The following CEP128 variants were observed in gnomAD, a reference collection of about 807,000 sequenced individuals.
The protein encoded by CEP128 is centrosomal protein 128.
In CEP128, 132 loss-of-function variants were observed where a neutral mutation model predicts 156.7. That is an observed-to-expected ratio of 0.84 (90% CI 0.73 to 0.97). The LOEUF is 0.97. Among genes scored for constraint, CEP128 ranks in the 50% least tolerant of loss-of-function variants. The pLI, the probability that CEP128 is intolerant of heterozygous loss-of-function variation, is 0.00. For synonymous variants in CEP128, 469 were observed against 448.9 expected, an observed-to-expected ratio of 1.04 and a Z score of -0.57; for missense variants, 1,252 against 1,281.9, an observed-to-expected ratio of 0.98 and a Z score of 0.36.
chr14:80,824,922 C>T (rs1292503609), intron 13 of CEP128, among the ~76,000 whole-genome samples: 8 of 152,054 alleles, frequency 5.3e-5, no homozygotes, highest in Admixed American at 1.3e-4. Flanking sequence ...AAGACACACC[C>T]GAGACTGGGC....
At chr14:80,942,900 AT>A (rs1202691499), upstream of CEP128, among the ~76,000 whole-genome samples, 3 of 151,850 alleles carry the variant, frequency 2.0e-5, no homozygotes, top group Non-Finnish European at 2.9e-5. Flanking sequence ...TATTATTCAA[AT>A]TTTTTTTCTG....
At chr14:80,788,173 A>G (rs1901510923) in intron 14 of CEP128, among the ~76,000 whole-genome samples, 1 of 151,834 alleles carries the variant, frequency 6.6e-6, no homozygotes, top group African/African-American at 2.4e-5. Context: ...TGAAAATGTC[A>G]GTGTCTTTAC....
intron 13 of CEP128, among the ~76,000 whole-genome samples, chr14:80,826,124 A>G (rs2140020794): frequency 6.6e-6 from 1 of 151,690 alleles, no homozygotes; most frequent in Admixed American, 6.6e-5. Context: ...AAAAAAAAAA[A>G]AACAGCTCTG....
chr14:80,527,189 G>A (rs1889013817), intron 22 of CEP128: 1 of 553,132 alleles, frequency 1.8e-6, no homozygotes, highest in African/African-American at 1.9e-5. Context: ...AGCACTTTAG[G>A]AGGCCAAGGT....
intron 21 of CEP128, 69 bp from the exon 22 acceptor site, chr14:80,530,955 T>TA: frequency 1.0e-6 from 1 of 980,250 alleles, no homozygotes; most frequent in Non-Finnish European, 1.6e-6. Context: ...ATCCACATAC[T>TA]AAAAATCAGA....
rs144404839 is a variant in CEP128, at chr14:80,662,672, T to C, written c.2806+80403A>G. Among the ~76,000 whole-genome samples the C allele has an allele frequency of 1.2e-3, 185 of 152,308 alleles. 2 individuals carry two copies. In the East Asian group the frequency reaches 0.028, roughly 23 times the overall value. On this transcript the variant is annotated intron_variant, in intron 19 of 24. Coordinates refer to ENST00000555265, the MANE Select transcript of CEP128 (RefSeq NM_152446.5). Reference sequence around the variant, plus strand: ...ATAATGATTATTTTTCCATACATAATAATTAGATGGCAGACAATGGGATAA... The same window carrying C: ...ATAATGATTATTTTTCCATACATAACAATTAGATGGCAGACAATGGGATAA...
chr14:80,691,528 GAGAA>G (rs980488483), intron 19 of CEP128, among the ~76,000 whole-genome samples: 4 of 152,110 alleles, frequency 2.6e-5, no homozygotes, highest in African/African-American at 7.2e-5. Context: ...TAGGCAGGGA[GAGAA>G]AGAAAGAAAG....
chr14:80,639,106 G>A (rs974628468), intron 19 of CEP128, among the ~76,000 whole-genome samples: 2 of 151,770 alleles, frequency 1.3e-5, no homozygotes, highest in Non-Finnish European at 2.9e-5. Flanking sequence ...CTTAAAAAAT[G>A]GTATTTAACC....
chr14:80,866,697 A>G (rs1887783219), intron 8 of CEP128, among the ~76,000 whole-genome samples: 2 of 152,234 alleles, frequency 1.3e-5, no homozygotes, highest in Admixed American at 1.3e-4. Context: ...AAATGCACAG[A>G]AACTAAGGCC....
intron 19 of CEP128, among the ~76,000 whole-genome samples, chr14:80,592,529 C>T (rs970018560): frequency 1.3e-5 from 2 of 152,066 alleles, no homozygotes; most frequent in Non-Finnish European, 2.9e-5. Flanking sequence ...CCAAAACAAG[C>T]CCAGGACCAG....
intron 14 of CEP128, 149 bp downstream of exon 14, chr14:80,792,611 A>G (rs899536491): frequency 3.2e-6 from 2 of 634,644 alleles, no homozygotes; most frequent in East Asian, 5.4e-5. Context: ...TAACTTTTGT[A>G]CTTTGAAACA....
At chr14:80,604,449 A>C (rs1173407372) in intron 19 of CEP128, among the ~76,000 whole-genome samples, 1 of 152,162 alleles carries the variant, frequency 6.6e-6, no homozygotes, top group East Asian at 1.9e-4. Context: ...TCCTTAGTAC[A>C]TGCTTTATAA....
At chr14:80,901,491 T>G (rs1281304615) in intron 6 of CEP128, among the ~76,000 whole-genome samples, 1 of 152,128 alleles carries the variant, frequency 6.6e-6, no homozygotes, top group East Asian at 1.9e-4. Context: ...AACCACAAAT[T>G]TTTTACGGGG....
chr14:80,681,537 G>C (rs749901684), intron 19 of CEP128, among the ~76,000 whole-genome samples: 5 of 152,328 alleles, frequency 3.3e-5, no homozygotes, highest in South Asian at 2.1e-4. Flanking sequence ...TTGTGGGAGG[G>C]AGCAGGTGGG....
At chr14:80,903,212 G>A (rs547015558) in intron 6 of CEP128, among the ~76,000 whole-genome samples, 3 of 152,020 alleles carry the variant, frequency 2.0e-5, no homozygotes, top group Non-Finnish European at 2.9e-5. Context: ...ACACATTTGC[G>A]GTCAACTGAT....
At chr14:80,871,653 C>T (rs1450450069) in intron 8 of CEP128, among the ~76,000 whole-genome samples, 4 of 152,026 alleles carry the variant, frequency 2.6e-5, no homozygotes, top group Non-Finnish European at 4.4e-5. Context: ...TATTTTAGAA[C>T]TTCTTTATTT....
intron 19 of CEP128, among the ~76,000 whole-genome samples, chr14:80,613,152 G>A (rs1014449295): frequency 9.2e-5 from 14 of 151,470 alleles, no homozygotes; most frequent in African/African-American, 1.9e-4. Context: ...CACCACGCCC[G>A]GCCCATTGCT....
intron 15 of CEP128, among the ~76,000 whole-genome samples, chr14:80,779,926 TCAAATGGTCAG>T (rs1270654670): frequency 6.6e-6 from 1 of 152,132 alleles, no homozygotes; most frequent in Non-Finnish European, 1.5e-5. Context: ...TTGACCAAGA[TCAAATGGTCAG>T]CAAATGGCAA....
At chr14:80,663,746 A>G (rs1298042883) in intron 19 of CEP128, among the ~76,000 whole-genome samples, 2 of 152,226 alleles carry the variant, frequency 1.3e-5, no homozygotes, top group Non-Finnish European at 2.9e-5. Flanking sequence ...GCTGAGGCTC[A>G]GGCCTGCAGC....
Sources: allele counts gnomAD v4.1 joint callset (sites outside exome capture counted in the v4.1 genomes callset), GRCh38; gene constraint gnomAD v4.1.1; transcripts MANE v1.5; gene names NCBI Gene and HGNC (gene_info 2026-07-23, HGNC 2026-07-21).